Variants in AACS observed in about 807,000 individuals in gnomAD.
The protein encoded by AACS is acetoacetate-CoA ligase.
Under a neutral mutation model 83.1 loss-of-function variants are expected in AACS, and 69 were observed. That is an observed-to-expected ratio of 0.83 (90% confidence interval 0.68 to 1.01). AACS has a LOEUF of 1.01. Among genes scored for constraint, AACS ranks in the 50% least tolerant of loss-of-function variants. The probability of loss-of-function intolerance (pLI) is 0.00; values close to 1 mark genes in which losing one functional copy is unlikely to be tolerated. For synonymous variants in AACS, 333 were observed against 343.4 expected (o/e 0.97, Z 0.33); for missense variants, 866 against 882.2 (o/e 0.98, Z 0.23).
rs1396747571 is a variant in AACS, at chr12:125,103,042, C to T, written c.728C>T (p.Ser243Phe). ...LKKVVVIPYV[S>F]SRENIDLSKI... is the part of the protein sequence containing the mutation. ...AAAGTGGTGGTGATTCCTTATGTGT[C>T]CTCCAGAGAGAACATAGACCTTTCA... The change falls in exon 7 of 18, where the codon TCC becomes TTC. Residue 243 changes from serine (S) to phenylalanine (F), a missense_variant. By Grantham distance (155) the Ser-to-Phe change is radical. Coordinates refer to ENST00000316519, the MANE Select transcript of AACS (RefSeq NM_023928.5). 3 of 1,614,008 alleles carry T rather than the reference C, an allele frequency of 1.9e-6. No homozygotes were observed. Among genetic ancestry groups the T allele is most frequent in the Non-Finnish European group, 2.5e-6 (3 of 1,180,026 alleles).
intron 3 of AACS, among the ~76,000 whole-genome samples, chr12:125,082,941 A>G (rs1956231573): frequency 6.6e-6 from 1 of 152,260 alleles, no homozygotes; most frequent in South Asian, 2.1e-4. Flanking sequence ...AGTAACTTCT[A>G]TACTGTAGAA....
rs757057747 is a variant in AACS at position 125,091,553 on chromosome 12, C to G, written c.570+30C>G. ...GTCAGGGTCTGTGACAGAGGGGGCA[C>G]CCCTTGCCCTGTGAGCATCCTGGGC... On this transcript the variant is annotated intron_variant, in intron 5 of 17. Coordinates refer to ENST00000316519, the MANE Select transcript of AACS (RefSeq NM_023928.5). 2.5e-6 allele frequency: 4 copies of G among 1,608,536 alleles called. No individual in the cohort carries two copies. In the African/African-American group the frequency reaches 5.3e-5, roughly 22 times the overall value.
At chr12:125,067,398 A>G (rs1164812020) in intron 1 of AACS, among the ~76,000 whole-genome samples, 1 of 152,206 alleles carries the variant, frequency 6.6e-6, no homozygotes, top group Non-Finnish European at 1.5e-5. Context: ...TTCCTCTGCC[A>G]GCAATAACAG....
Position 125,116,363 on chromosome 12 carries a change from AT to A in AACS, c.996+1809del, listed in dbSNP as rs1213919635. Among the ~76,000 whole-genome samples, 12 of 152,298 alleles carry A rather than the reference AT, an allele frequency of 7.9e-5. No individual in the cohort carries two copies. In the East Asian group the frequency reaches 9.6e-4, roughly 12 times the overall value. Reference sequence around the variant, plus strand: ...AATTTGGAGCAGTTTTCTCAGAGGCATTTCATTTTTACTGGAAGGATCCTGT... The same window carrying A: ...AATTTGGAGCAGTTTTCTCAGAGGCATTCATTTTTACTGGAAGGATCCTGT... On this transcript the variant is annotated intron_variant, in intron 9 of 17. Transcript: ENST00000316519.
chr12:125,125,068 C>T (rs1255892388), intron 12 of AACS, 44 bp downstream of exon 12: 3 of 1,612,440 alleles, frequency 1.9e-6, no homozygotes, highest in Admixed American at 3.3e-5. Context: ...TCCCCGCCGG[C>T]CCCATAAGTA....
chr12:125,071,973 T>G (rs2136032573), intron 1 of AACS, among the ~76,000 whole-genome samples: 1 of 152,204 alleles, frequency 6.6e-6, no homozygotes, highest in East Asian at 1.9e-4. Context: ...TTCTCCTGCC[T>G]CAGCCTGCCA....
In AACS at chr12:125,096,223, A is replaced by C. The variant is rs868102723; in HGVS notation, c.570+4700A>C. 3.3e-4 allele frequency among the ~76,000 whole-genome samples: 51 copies of C among 152,356 alleles called. 1 individual carries two copies. Among genetic ancestry groups the C allele is most frequent in the African/African-American group, 1.2e-3 (50 of 41,578 alleles). ...TCGTGATGCAAAGTGCTGGGATTAC[A>C]GGCATGAGCCACTGTGCCCAGCCTT... On this transcript the variant is annotated intron_variant, in intron 5 of 17. Coordinates refer to ENST00000316519, the MANE Select transcript of AACS (RefSeq NM_023928.5).
chr12:125,089,445 T>G (rs1484802713), intron 4 of AACS, among the ~76,000 whole-genome samples: 1 of 152,132 alleles, frequency 6.6e-6, no homozygotes, highest in African/African-American at 2.4e-5. Context: ...CCTTCTGCCC[T>G]ACTGTACAGG....
At chr12:125,095,302 CTT>C (rs1956583819) in intron 5 of AACS, among the ~76,000 whole-genome samples, 1 of 152,180 alleles carries the variant, frequency 6.6e-6, no homozygotes, top group South Asian at 2.1e-4. Context: ...ACCCCTGAGT[CTT>C]TTCATGGGGC....
chr12:125,098,164 T>G (rs867974478), intron 5 of AACS, among the ~76,000 whole-genome samples: 25 of 152,278 alleles, frequency 1.6e-4, no homozygotes, highest in Middle Eastern at 3.4e-3. Flanking sequence ...GCTGGGTAGC[T>G]TACACCTGTA....
chr12:125,108,799 C>G (rs867555232), intron 8 of AACS, among the ~76,000 whole-genome samples: 7 of 151,108 alleles, frequency 4.6e-5, no homozygotes, highest in South Asian at 2.1e-4. Flanking sequence ...TCCCATGTAG[C>G]TGGGATTATA....
At chr12:125,093,072 G>C (rs1956524293) in intron 5 of AACS, among the ~76,000 whole-genome samples, 1 of 152,154 alleles carries the variant, frequency 6.6e-6, no homozygotes, top group Non-Finnish European at 1.5e-5. Context: ...CCACGTTTGT[G>C]TGGAGCCGGG....
At chr12:125,108,279 T>C (rs778222139) in intron 8 of AACS, among the ~76,000 whole-genome samples, 5 of 152,198 alleles carry the variant, frequency 3.3e-5, no homozygotes, top group Non-Finnish European at 7.3e-5. Context: ...GCACAGTTGC[T>C]CTTGTCTGAG....
intron 5 of AACS, among the ~76,000 whole-genome samples, chr12:125,096,525 G>A (rs1956611946): frequency 6.6e-6 from 1 of 152,172 alleles, no homozygotes; most frequent in Non-Finnish European, 1.5e-5. Context: ...CAGGAGTGTT[G>A]GGACTCACTT....
chr12:125,129,608 G>A lies in AACS; in HGVS notation c.1549+148G>A. 1 of 1,063,558 alleles carries A rather than the reference G, an allele frequency of 9.4e-7. No homozygotes were observed. Among genetic ancestry groups the A allele is most frequent in the East Asian group, 2.6e-5 (1 of 38,118 alleles). 65.9% of individuals were successfully genotyped at this position (1,063,558 alleles called of 1,614,324 possible). A position where few individuals can be genotyped will look rare whatever the true frequency, so the allele number is the denominator to read the frequency against. ...TTATAGTTCATTCCGCCAGTGGGGG[G>A]ATAATGAATTTTTGATCAATATCTT... On this transcript the variant is annotated intron_variant, in intron 14 of 17. Transcript: ENST00000316519. This position sits in a 1 kb window ranked among gnomAD's most constrained non-coding sequence, Gnocchi z 4.3.
At chr12:125,119,853 C>G (rs567633121) in intron 10 of AACS, 1 of 152,162 alleles carries the variant, frequency 6.6e-6, no homozygotes, top group African/African-American at 2.4e-5. Flanking sequence ...TGGGGGGCTG[C>G]GTGGTGTTTG....
rs1956738582 is a variant in AACS at position 125,102,659 on chromosome 12, C to G, written c.571-20C>G. Reference sequence around the variant, plus strand: ...TTGCCTTTTGGATGATCAATGATGACTTTTTCCTCCTGCTTTCAGGGTGTG... The same window carrying G: ...TTGCCTTTTGGATGATCAATGATGAGTTTTTCCTCCTGCTTTCAGGGTGTG... On this transcript the variant is annotated intron_variant, in intron 5 of 17. Coordinates refer to ENST00000316519, the MANE Select transcript of AACS (RefSeq NM_023928.5). The G allele has an allele frequency of 7.4e-6, 12 of 1,611,420 alleles. No individual in the cohort carries two copies. The East Asian group carries it at 2.7e-4, about 36-fold the overall frequency.
chr12:125,136,272 TC>T (rs1444620106), intron 16 of AACS: 1 of 206,338 alleles, frequency 4.8e-6, no homozygotes, highest in African/African-American at 2.4e-5. Flanking sequence ...CTGGTCTCAA[TC>T]TCCTGGACTT....
rs775400523 is a variant in AACS at position 125,107,147 on chromosome 12, C to G, written c.794C>G (p.Thr265Ser). 1.2e-6 allele frequency: 2 copies of G among 1,614,194 alleles called. No homozygotes were observed. Among genetic ancestry groups the G allele is most frequent in the South Asian group, 2.2e-5 (2 of 91,076 alleles). ...NSVFLDDFLATGTSEQAPQLE... is the reference protein window; with the variant it reads ...NSVFLDDFLASGTSEQAPQLE... ...GTGTTTCTGGATGACTTTCTTGCCA[C>G]CGGCACCAGTGAGCAGGCCCCGCAG... Residue 265 changes from threonine to serine, a missense_variant, in exon 8 of 18, where the codon ACC (threonine) becomes AGC (serine). Coordinates refer to ENST00000316519, the MANE Select transcript of AACS (RefSeq NM_023928.5).
Sources: allele counts gnomAD v4.1 joint callset (sites outside exome capture counted in the v4.1 genomes callset), GRCh38; gene constraint gnomAD v4.1.1; non-coding constraint Gnocchi (gnomAD v3.1); transcripts MANE v1.5; gene names NCBI Gene and HGNC (gene_info 2026-07-23, HGNC 2026-07-21).